Variants in TBC1D9 observed in about 807,000 individuals in gnomAD.
TBC1D9 encodes TBC1 domain family member 9.
In TBC1D9, 63 loss-of-function variants were observed where a neutral mutation model predicts 132.0. The observed-to-expected ratio is 0.48, with a 90% CI of 0.39 to 0.59. TBC1D9 has a LOEUF of 0.59. TBC1D9 is among the 20% of genes least tolerant of loss of function. TBC1D9 has a pLI of 0.00. For synonymous variants in TBC1D9, 610 were observed against 609.9 expected, an observed-to-expected ratio of 1.00 and a Z score of 0.00; for missense variants, 1,261 against 1,592.7, an observed-to-expected ratio of 0.79 and a Z score of 3.54.
At chr4:140,721,372 A>G (rs992904948) in intron 1 of TBC1D9, among the ~76,000 whole-genome samples, 2 of 152,188 alleles carry the variant, frequency 1.3e-5, no homozygotes, top group African/African-American at 4.8e-5. Flanking sequence ...ACAATATCCT[A>G]AGACATACAT....
chr4:140,746,408 G>A (rs1738836393), intron 1 of TBC1D9, among the ~76,000 whole-genome samples: 1 of 152,070 alleles, frequency 6.6e-6, no homozygotes, highest in South Asian at 2.1e-4. Context: ...TTTTTCTCAA[G>A]GTAGAGTCCA....
At chr4:140,627,828 G>A (rs931015677) in intron 17 of TBC1D9, among the ~76,000 whole-genome samples, 43 of 152,106 alleles carry the variant, frequency 2.8e-4, no homozygotes, top group African/African-American at 3.6e-4. Flanking sequence ...GAAACTGTAC[G>A]CTATAAAGAG....
chr4:140,676,821 A>T, intron 6 of TBC1D9, 73 bp downstream of exon 6: 1 of 1,554,110 alleles, frequency 6.4e-7, no homozygotes, highest in South Asian at 1.2e-5. Context: ...TGTTGGTAAA[A>T]AAATTATTCC....
intron 13 of TBC1D9, chr4:140,642,841 CG>C: frequency 3.4e-6 from 2 of 580,670 alleles, no homozygotes; most frequent in Non-Finnish European, 3.0e-6. Context: ...ACAGGGCTCT[CG>C]GGGGCGTGGG....
At chr4:140,661,432 G>A (rs925923110) in intron 10 of TBC1D9, among the ~76,000 whole-genome samples, 7 of 152,172 alleles carry the variant, frequency 4.6e-5, no homozygotes, top group Admixed American at 1.3e-4. Context: ...ACACTGTGGC[G>A]AACCACAGTG....
At chr4:140,674,270 C>T (rs1385413008) in intron 6 of TBC1D9, among the ~76,000 whole-genome samples, 1 of 152,194 alleles carries the variant, frequency 6.6e-6, no homozygotes, top group African/African-American at 2.4e-5. Context: ...AATTTACCCA[C>T]AACATATCTT....
chr4:140,729,670 A>C (rs1738556511), intron 1 of TBC1D9, among the ~76,000 whole-genome samples: 1 of 151,980 alleles, frequency 6.6e-6, no homozygotes, highest in Admixed American at 6.6e-5. Flanking sequence ...ATACAAAAAA[A>C]TTGGCTGGGC....
At chr4:140,649,681 T>C (rs935655129) in intron 13 of TBC1D9, among the ~76,000 whole-genome samples, 3 of 152,120 alleles carry the variant, frequency 2.0e-5, no homozygotes, top group Admixed American at 2.0e-4. Context: ...TCTGCACCTG[T>C]GTACTTATGT....
intron 1 of TBC1D9, among the ~76,000 whole-genome samples, chr4:140,742,247 T>G (rs191006359): frequency 6.6e-6 from 1 of 151,978 alleles, no homozygotes; most frequent in Admixed American, 6.6e-5. Flanking sequence ...CCTTAAAAAA[T>G]GACTCGCCGG....
At chr4:140,748,753 A>G (rs1271739185) in intron 1 of TBC1D9, among the ~76,000 whole-genome samples, 1 of 152,212 alleles carries the variant, frequency 6.6e-6, no homozygotes, top group Admixed American at 6.6e-5. Flanking sequence ...GGAGACAAAC[A>G]AAAACTGAGA....
rs1463671952 is a variant in TBC1D9 at position 140,622,465 on chromosome 4, C to T, written c.3531G>A (p.Lys1177=). ...CCTCTCCGATGTCCTCGCAGTGCAG[C>T]TTGTCCTCCTCGTGGGAGCCGGCAC... ...VLSAGSHEED[K]LHCEDIGEDT... Residue 1177 remains lysine (K), a synonymous_variant, in exon 21 of 21, where the codon AAG becomes AAA. Coordinates refer to ENST00000442267, the MANE Select transcript of TBC1D9 (RefSeq NM_015130.3). 3.1e-6 allele frequency: 5 copies of T among 1,614,040 alleles called. No homozygotes were observed. Among genetic ancestry groups the T allele is most frequent in the Non-Finnish European group, 3.4e-6 (4 of 1,179,890 alleles).
intron 13 of TBC1D9, among the ~76,000 whole-genome samples, chr4:140,648,385 G>GTTTTT (rs1243797618): frequency 3.3e-5 from 4 of 121,870 alleles, no homozygotes; most frequent in African/African-American, 1.2e-4. Flanking sequence ...TTTTGTTGTT[G>GTTTTT]TTTTTTTTTT....
chr4:140,664,040 CAA>C (rs1224457471), intron 9 of TBC1D9, among the ~76,000 whole-genome samples: 6 of 112,914 alleles, frequency 5.3e-5, no homozygotes, highest in East Asian at 2.4e-4. Flanking sequence ...CTCTCCCCAC[CAA>C]AAAAAAAAAA....
chr4:140,709,219 ATCTCTCTCTC>A (rs145661338), intron 1 of TBC1D9, among the ~76,000 whole-genome samples: 21 of 88,168 alleles, frequency 2.4e-4, no homozygotes, highest in African/African-American at 7.5e-4. Flanking sequence ...AACCAGCCTT[ATCTCTCTCTC>A]TCTCTCTCTC....
chr4:140,671,719 G>A (rs1737540255), intron 6 of TBC1D9, among the ~76,000 whole-genome samples: 3 of 118,986 alleles, frequency 2.5e-5, no homozygotes, highest in South Asian at 5.2e-4. Context: ...TGTGTGTGCC[G>A]AAGCCTACCA....
intron 13 of TBC1D9, among the ~76,000 whole-genome samples, chr4:140,652,545 C>G (rs1253932937): frequency 6.6e-6 from 1 of 152,226 alleles, no homozygotes; most frequent in South Asian, 2.1e-4. Flanking sequence ...AATTCCATCT[C>G]TCTTCTAATC....
intron 13 of TBC1D9, chr4:140,643,505 C>A: frequency 2.3e-6 from 2 of 875,510 alleles, no homozygotes; most frequent in Non-Finnish European, 3.7e-6. Context: ...CCCGGGGCTC[C>A]AGTCTCGGGC....
chr4:140,642,446 G>A (rs1737018188), intron 13 of TBC1D9: 6 of 885,300 alleles, frequency 6.8e-6, no homozygotes, highest in Admixed American at 4.1e-5. Flanking sequence ...CTGTCATAAG[G>A]AGTTAAGTAC....
chr4:140,733,155 C>G lies in TBC1D9; in HGVS notation c.130+22761G>C, dbSNP rs111892912. On this transcript the variant is annotated intron_variant, in intron 1 of 20. Transcript: ENST00000442267. The stretch of plus-strand genomic sequence containing the variant: ...GTGGAAAAACAAAAAATAAAGAGAA[C>G]TACATATTTTAAAATATTTAGGAAA... Among the ~76,000 whole-genome samples the G allele has an allele frequency of 4.2e-3, 641 of 152,192 alleles. 4 individuals carry two copies. Among genetic ancestry groups the G allele is most frequent in the African/African-American group, 0.015 (604 of 41,538 alleles).
Sources: allele counts gnomAD v4.1 joint callset (sites outside exome capture counted in the v4.1 genomes callset), GRCh38; gene constraint gnomAD v4.1.1; transcripts MANE v1.5; gene names NCBI Gene and HGNC (gene_info 2026-07-23, HGNC 2026-07-21).